The following ARHGAP5 variants were observed in gnomAD, a reference collection of about 807,000 sequenced individuals.
ARHGAP5 encodes the protein Rho GTPase activating protein 5, also known as rho GTPase-activating protein 5.
ARHGAP5 carries 23 observed loss-of-function variants against 116.6 expected under a neutral mutation model. That is an observed-to-expected ratio of 0.20 (90% CI 0.14 to 0.28). ARHGAP5 has a LOEUF of 0.28. ARHGAP5 is among the 10% of genes least tolerant of loss of function. The pLI is 1.00. For synonymous variants in ARHGAP5, 574 were observed against 602.0 expected (o/e 0.95, Z 0.68); for missense variants, 1,405 against 1,774.8 (o/e 0.79, Z 3.74).
intron 3 of ARHGAP5, among the ~76,000 whole-genome samples, chr14:32,140,872 G>A (rs1448775150): frequency 6.6e-6 from 1 of 152,070 alleles, no homozygotes; most frequent in Non-Finnish European, 1.5e-5. Flanking sequence ...TGTTTTCCTT[G>A]GTGATCTGTC....
At chr14:32,081,964 A>G (rs540941930) in intron 1 of ARHGAP5, among the ~76,000 whole-genome samples, 39 of 152,334 alleles carry the variant, frequency 2.6e-4, no homozygotes, top group African/African-American at 9.4e-4. Context: ...AACCGGGGGC[A>G]TGGTTTTGGG....
At position 32,121,223 on chromosome 14, in the gene ARHGAP5, G is replaced by A. The variant is rs75362281; in HGVS notation, c.3865+3936G>A. 2.4e-4 allele frequency among the ~76,000 whole-genome samples: 36 copies of A among 151,862 alleles called. No individual in the cohort carries two copies. In the East Asian group the frequency reaches 5.6e-3, roughly 24 times the overall value. On this transcript the variant is annotated intron_variant, in intron 3 of 6. Transcript: ENST00000345122. ...GGGTTTTGCCATTTTCCCCAGCCTCGTCTCAAACTCCTGAGCTCAAGCAAT... is the reference window on the plus strand; with the variant it reads ...GGGTTTTGCCATTTTCCCCAGCCTCATCTCAAACTCCTGAGCTCAAGCAAT...
intron 2 of ARHGAP5, among the ~76,000 whole-genome samples, chr14:32,105,996 C>G: frequency 6.6e-6 from 1 of 152,162 alleles, no homozygotes; most frequent in Non-Finnish European, 1.5e-5. Context: ...ATGGATACAT[C>G]AGTGTTTTAA....
Position 32,093,034 on chromosome 14 carries a change from C to A in ARHGAP5, c.2365C>A (p.Pro789Thr). The change falls in exon 2 of 7, where the codon CCA (proline) becomes ACA (threonine). Residue 789 changes from proline (P) to threonine (T), a missense_variant. Physicochemically the swap from Pro to Thr is conservative, Grantham distance 38. Coordinates refer to ENST00000345122, the MANE Select transcript of ARHGAP5 (RefSeq NM_001030055.2). The part of the protein sequence containing the change: ...RIVMCAMCGD[P>T]FSVDLILSPF... The stretch of plus-strand genomic sequence containing the variant: ...TGTCATGTGCGCCATGTGTGGAGAT[C>A]CATTTAGTGTGGATCTTATTCTTTC... 1 of 1,614,002 alleles carries A rather than the reference C, an allele frequency of 6.2e-7. No homozygotes were observed. Among genetic ancestry groups the A allele is most frequent in the Admixed American group, 1.7e-5 (1 of 59,996 alleles).
intron 3 of ARHGAP5, among the ~76,000 whole-genome samples, chr14:32,121,334 A>G (rs1374386769): frequency 6.6e-6 from 1 of 152,106 alleles, no homozygotes; most frequent in African/African-American, 2.4e-5. Context: ...TTTGTGATAT[A>G]TCTTTTTCTT....
intron 1 of ARHGAP5, among the ~76,000 whole-genome samples, chr14:32,088,755 T>A (rs545532457): frequency 4.6e-5 from 7 of 152,152 alleles, no homozygotes; most frequent in African/African-American, 1.7e-4. Flanking sequence ...TCACATTATT[T>A]TTCATAAATC....
intron 1 of ARHGAP5, among the ~76,000 whole-genome samples, chr14:32,086,920 A>T (rs1319893916): frequency 6.6e-6 from 1 of 150,730 alleles, no homozygotes; most frequent in Non-Finnish European, 1.5e-5. Flanking sequence ...TAAAAAAGTA[A>T]AAGATTGGGA....
chr14:32,137,082 A>G (rs951256803), intron 3 of ARHGAP5, among the ~76,000 whole-genome samples: 4 of 151,650 alleles, frequency 2.6e-5, no homozygotes, highest in African/African-American at 7.3e-5. Flanking sequence ...ATGAAATCCA[A>G]TTTATTTTTA....
Position 32,149,902 on chromosome 14 carries a change from A to G in ARHGAP5, c.3944A>G (p.Asp1315Gly). ...QDNIQKQFDQ[D>G]HNINLVSMEV... The stretch of plus-strand genomic sequence containing the variant: ...TAAAATGTTAATTTTTGTCTTGTAG[A>G]TCATAATATCAATCTAGTGTCAATG... Residue 1315 changes from aspartate to glycine, a missense_variant and splice_region_variant, in exon 5 of 7, where the codon GAT becomes GGT. Coordinates refer to ENST00000345122, the MANE Select transcript of ARHGAP5 (RefSeq NM_001030055.2). The G allele has an allele frequency of 6.7e-7, 1 of 1,488,694 alleles. No individual in the cohort carries two copies. The highest frequency in any genetic ancestry group is 9.0e-7 in the Non-Finnish European group (1 of 1,115,678). 92.2% of individuals were successfully genotyped at this position (1,488,694 alleles called of 1,614,324 possible).
intron 1 of ARHGAP5, among the ~76,000 whole-genome samples, chr14:32,087,335 G>C (rs1288432339): frequency 6.6e-6 from 1 of 151,864 alleles, no homozygotes; most frequent in Non-Finnish European, 1.5e-5. Context: ...CTTAAAACCT[G>C]TTAGAGCCAA....
At chr14:32,087,507 C>T (rs1337963557) in intron 1 of ARHGAP5, among the ~76,000 whole-genome samples, 2 of 96,166 alleles carry the variant, frequency 2.1e-5, no homozygotes, top group African/African-American at 8.3e-5. Flanking sequence ...TTTTTTCAAA[C>T]CAAAGCCTCT....
rs1255848039 is a variant in ARHGAP5 at position 32,091,507 on chromosome 14, G to C, written c.838G>C (p.Val280Leu). Residue 280 changes from valine (V) to leucine (L), a missense_variant, in exon 2 of 7, where the codon GTG becomes CTG. Coordinates refer to ENST00000345122, the MANE Select transcript of ARHGAP5 (RefSeq NM_001030055.2). ...AGCAACAGATAAGTTTGAAAAACTT[G>C]TGCAGACTGTGAGAGATTATCATGC... ...VTATDKFEKL[V>L]QTVRDYHATW... 4 of 1,613,052 alleles carry C rather than the reference G, an allele frequency of 2.5e-6. No individual in the cohort carries two copies. The highest frequency in any genetic ancestry group is 1.6e-4 in the Middle Eastern group (1 of 6,078).
chr14:32,142,557 A>G (rs2139131155), intron 3 of ARHGAP5, among the ~76,000 whole-genome samples: 1 of 152,348 alleles, frequency 6.6e-6, no homozygotes, highest in South Asian at 2.1e-4. Context: ...GGGAAAAACA[A>G]CACTTTCCAA....
intron 1 of ARHGAP5, chr14:32,078,090 A>G (rs2041729876): frequency 6.9e-6 from 1 of 145,962 alleles, no homozygotes; most frequent in South Asian, 2.2e-4. Flanking sequence ...TGAGGCTTTG[A>G]TACTGAGTTT....
chr14:32,081,554 A>G (rs1201258445), intron 1 of ARHGAP5, among the ~76,000 whole-genome samples: 3 of 151,364 alleles, frequency 2.0e-5, no homozygotes, highest in Non-Finnish European at 3.0e-5. Flanking sequence ...TTCTCAAAAA[A>G]AAAAAAAAAA....
chr14:32,084,173 CATATTTTCAGCAGTGAAGTTTTTTTCAA>C (rs2041805786), intron 1 of ARHGAP5, among the ~76,000 whole-genome samples: 1 of 152,146 alleles, frequency 6.6e-6, no homozygotes, highest in African/African-American at 2.4e-5. Context: ...TGGTTTTTCA[CATATTTTCAGCAGTGAAGTTTTTTTCAA>C]ACAAATTGAA....
Position 32,155,104 on chromosome 14 carries a change from C to G in ARHGAP5, c.*156C>G. 1.5e-6 allele frequency: 1 copy of G among 675,474 alleles called. No homozygotes were observed. Among genetic ancestry groups the G allele is most frequent in the South Asian group, 2.1e-5 (1 of 48,736 alleles). The allele number at this position is 675,474 out of a possible 1,614,324, so 41.8% of individuals were successfully genotyped here. ...CTAGATGGTATTCCTTATTCACTTA[C>G]ATTACAAATCTAAGACCATGTGATA... On this transcript the variant is annotated 3_prime_UTR_variant, in exon 7 of 7. Transcript: ENST00000345122.
At chr14:32,100,412 T>C (rs1878739471) in intron 2 of ARHGAP5, among the ~76,000 whole-genome samples, 4 of 152,170 alleles carry the variant, frequency 2.6e-5, no homozygotes, top group South Asian at 4.1e-4. Flanking sequence ...TTGCCCAGGC[T>C]GATCTCAAAC....
chr14:32,092,760 A>G lies in ARHGAP5; in HGVS notation c.2091A>G (p.Thr697=). ...AATACATGGCTAATCTTCCATTTAC[A>G]TTAATTCTGGCTAATCAGAGAGATT... The part of the protein sequence containing the change: ...KDKYMANLPF[T]LILANQRDSI... The change falls in exon 2 of 7, where the codon ACA becomes ACG. Residue 697 remains threonine (T), a synonymous_variant. Transcript: ENST00000345122. This position sits in a 1 kb window ranked among gnomAD's most constrained non-coding sequence, Gnocchi z 4.1. The G allele has an allele frequency of 1.9e-6, 3 of 1,613,950 alleles. No homozygotes were observed. The highest frequency in any genetic ancestry group is 2.2e-5 in the South Asian group (2 of 91,040).
Sources: allele counts gnomAD v4.1 joint callset (sites outside exome capture counted in the v4.1 genomes callset), GRCh38; gene constraint gnomAD v4.1.1; non-coding constraint Gnocchi (gnomAD v3.1); transcripts MANE v1.5; gene names NCBI Gene and HGNC (gene_info 2026-07-23, HGNC 2026-07-21).